Variants in GPC5 observed in about 807,000 individuals in gnomAD.
The protein encoded by GPC5 is glypican-5.
In GPC5, 47 loss-of-function variants were observed where a neutral mutation model predicts 53.9. That is an observed-to-expected ratio of 0.87 (90% CI 0.69 to 1.11). The LOEUF (loss-of-function observed/expected upper bound fraction) is 1.11. Among genes scored for constraint, GPC5 ranks in the 50% most tolerant of loss-of-function variants. GPC5 has a pLI of 0.00. For synonymous variants in GPC5, 286 were observed against 263.3 expected (o/e 1.09, Z -0.84); for missense variants, 748 against 713.1 (o/e 1.05, Z -0.56).
chr13:92,253,666 A>G (rs1350355192), intron 7 of GPC5, among the ~76,000 whole-genome samples: 1 of 152,086 alleles, frequency 6.6e-6, no homozygotes, highest in Non-Finnish European at 1.5e-5. Flanking sequence ...ATGTACATGA[A>G]GTGGATTTTT....
At chr13:91,736,441 T>A (rs2036816686) in intron 4 of GPC5, among the ~76,000 whole-genome samples, 1 of 151,426 alleles carries the variant, frequency 6.6e-6, no homozygotes, top group Non-Finnish European at 1.5e-5. Flanking sequence ...CACAATCTTT[T>A]TTTTGCCATC....
At chr13:91,530,713 G>A (rs1392841081) in intron 2 of GPC5, among the ~76,000 whole-genome samples, 1 of 151,998 alleles carries the variant, frequency 6.6e-6, no homozygotes, top group Non-Finnish European at 1.5e-5. Flanking sequence ...GATTATATTT[G>A]TCCCTAAATG....
At chr13:92,033,684 A>C (rs929976606) in intron 6 of GPC5, among the ~76,000 whole-genome samples, 2 of 152,224 alleles carry the variant, frequency 1.3e-5, no homozygotes, top group African/African-American at 4.8e-5. Flanking sequence ...TCTGAAGAGT[A>C]AATTTAATTA....
chr13:92,395,080 CT>C (rs1321598267), intron 7 of GPC5, among the ~76,000 whole-genome samples: 1 of 152,058 alleles, frequency 6.6e-6, no homozygotes, highest in Non-Finnish European at 1.5e-5. Context: ...GATCTCTCTC[CT>C]TTAATTGGTG....
At chr13:92,588,797 G>T (rs1051892065) in intron 7 of GPC5, among the ~76,000 whole-genome samples, 1 of 152,132 alleles carries the variant, frequency 6.6e-6, no homozygotes. Flanking sequence ...GATAGAGGAG[G>T]TATTAGTTCC....
At chr13:92,517,234 T>C (rs1230044094) in intron 7 of GPC5, among the ~76,000 whole-genome samples, 1 of 152,192 alleles carries the variant, frequency 6.6e-6, no homozygotes, top group Non-Finnish European at 1.5e-5. Context: ...CCTGCCTCTG[T>C]AGACTCCACC....
At chr13:91,885,226 G>A (rs572844533) in intron 5 of GPC5, among the ~76,000 whole-genome samples, 1 of 152,018 alleles carries the variant, frequency 6.6e-6, no homozygotes, top group African/African-American at 2.4e-5. Flanking sequence ...CTTTGTATTT[G>A]GGTAAAGGCA....
chr13:92,249,491 G>A (rs771963116), intron 7 of GPC5, among the ~76,000 whole-genome samples: 1 of 152,002 alleles, frequency 6.6e-6, no homozygotes, highest in Non-Finnish European at 1.5e-5. Flanking sequence ...TACCCTGCTT[G>A]GTCCAGATAA....
intron 7 of GPC5, among the ~76,000 whole-genome samples, chr13:92,503,291 A>G (rs978400780): frequency 2.6e-5 from 4 of 151,812 alleles, no homozygotes; most frequent in African/African-American, 9.7e-5. Context: ...ATACTTTTTA[A>G]CAATCCATCA....
intron 2 of GPC5, among the ~76,000 whole-genome samples, chr13:91,636,847 A>G (rs1023093837): frequency 6.6e-6 from 1 of 151,854 alleles, no homozygotes; most frequent in African/African-American, 2.4e-5. Flanking sequence ...AGACCTGACA[A>G]CTCTGTAGGC....
At chr13:92,322,694 T>C (rs1438097525) in intron 7 of GPC5, among the ~76,000 whole-genome samples, 2 of 152,164 alleles carry the variant, frequency 1.3e-5, no homozygotes, top group African/African-American at 4.8e-5. Flanking sequence ...ATATATTTCA[T>C]AAGCTGAAGT....
chr13:92,736,801 T>C (rs928253541), intron 7 of GPC5, among the ~76,000 whole-genome samples: 2 of 146,106 alleles, frequency 1.4e-5, no homozygotes, highest in South Asian at 2.1e-4. Context: ...ACTATAGCTG[T>C]AGCCTATTTT....
At chr13:91,800,430 C>T (rs920245687) in intron 5 of GPC5, among the ~76,000 whole-genome samples, 5 of 151,092 alleles carry the variant, frequency 3.3e-5, no homozygotes, top group African/African-American at 1.2e-4. Context: ...AAATAGTAAA[C>T]ATATGTCACT....
intron 7 of GPC5, among the ~76,000 whole-genome samples, chr13:92,257,546 A>ATTTTTTTTTGTTTTTTTTT (rs2042735318): frequency 1.4e-5 from 1 of 72,966 alleles, no homozygotes; most frequent in Non-Finnish European, 2.3e-5. Flanking sequence ...TAATACAGGG[A>ATTTTTTTTTGTTTTTTTTT]TTTTTTTTTT....
chr13:91,423,626 A>G (rs1878801198), intron 1 of GPC5, among the ~76,000 whole-genome samples: 2 of 152,186 alleles, frequency 1.3e-5, no homozygotes, highest in South Asian at 4.1e-4. Context: ...AAAGGCTACA[A>G]CGTTTCAGTT....
chr13:91,615,284 G>A (rs1451905118), intron 2 of GPC5, among the ~76,000 whole-genome samples: 1 of 152,028 alleles, frequency 6.6e-6, no homozygotes, highest in East Asian at 1.9e-4. Flanking sequence ...TTTTGTATAT[G>A]GCACAAGATA....
At chr13:91,508,003 T>G (rs1885033498) in intron 2 of GPC5, among the ~76,000 whole-genome samples, 1 of 152,166 alleles carries the variant, frequency 6.6e-6, no homozygotes, top group South Asian at 2.1e-4. Context: ...AGCAAACTCC[T>G]TAGAAAATGT....
chr13:91,760,339 T>G (rs1044012558), intron 5 of GPC5, among the ~76,000 whole-genome samples: 5 of 152,090 alleles, frequency 3.3e-5, no homozygotes, highest in African/African-American at 1.2e-4. Context: ...TGAGAAAAAA[T>G]GAAGTATAGC....
chr13:92,362,443 C>T (rs1007170984), intron 7 of GPC5, among the ~76,000 whole-genome samples: 8 of 151,804 alleles, frequency 5.3e-5, no homozygotes, highest in African/African-American at 1.9e-4. Flanking sequence ...TTACTAGCTC[C>T]TTTCAGTCTC....
Sources: allele counts gnomAD v4.1 joint callset (sites outside exome capture counted in the v4.1 genomes callset), GRCh38; gene constraint gnomAD v4.1.1; transcripts MANE v1.5; gene names NCBI Gene and HGNC (gene_info 2026-07-23, HGNC 2026-07-21).